Variants in STAB2 observed in about 807,000 individuals in gnomAD.
STAB2 encodes the protein stabilin 2.
STAB2 carries 288 observed loss-of-function variants against 338.1 expected under a neutral mutation model. The ratio of observed to expected loss-of-function variants is 0.85; its 90% CI spans 0.77 to 0.94. The LOEUF is 0.94. Ranked by LOEUF, STAB2 falls within the 40% of genes least tolerant of loss-of-function variation. The probability of loss-of-function intolerance (pLI) is 0.00; values close to 1 mark genes in which losing one functional copy is unlikely to be tolerated. For synonymous variants in STAB2, 1,202 were observed against 1,193.3 expected, an observed-to-expected ratio of 1.01 and a Z score of -0.15; for missense variants, 3,141 against 3,210.1, an observed-to-expected ratio of 0.98 and a Z score of 0.52.
chr12:103,662,715 C>A, intron 17 of STAB2, 131 bp from the exon 18 acceptor site: 1 of 1,025,922 alleles, frequency 9.7e-7, no homozygotes, highest in East Asian at 2.6e-5. Flanking sequence ...AGCAACCTAC[C>A]CTCCAATGAA....
At chr12:103,683,347 A>AG (rs761247947) in intron 26 of STAB2, 47 bp downstream of exon 26, 67 of 1,429,866 alleles carry the variant, frequency 4.7e-5, no homozygotes, top group Non-Finnish European at 5.8e-5. Context: ...AAAAAAAAAA[A>AG]CAATGCTTGA....
rs758247790 is a variant in STAB2, at chr12:103,655,531, G to A, written c.1684G>A (p.Ala562Thr). The A allele has an allele frequency of 1.2e-6, 2 of 1,613,934 alleles. No homozygotes were observed. ...PYTIFVPNNE[A>T]LNNMKDGTLD... Reference sequence around the variant, plus strand: ...CACCATTTTTGTTCCAAATAATGAAGCATTGAATAACATGAAGGACGGCAC... The same window carrying A: ...CACCATTTTTGTTCCAAATAATGAAACATTGAATAACATGAAGGACGGCAC... Residue 562 changes from alanine to threonine, a missense_variant, in exon 15 of 69, where the codon GCA becomes ACA. Transcript: ENST00000388887.
rs570349783 is a variant in STAB2, at chr12:103,740,500, T to G, written c.5755-130T>G. 4.5e-5 allele frequency: 57 copies of G among 1,280,490 alleles called. No individual in the cohort carries two copies. The South Asian group carries it at 8.2e-4, about 19-fold the overall frequency. 79.3% of individuals were successfully genotyped at this position (1,280,490 alleles called of 1,614,324 possible). A position where few individuals can be genotyped will look rare whatever the true frequency, so the allele number is the denominator to read the frequency against. On this transcript the variant is annotated intron_variant, in intron 54 of 68. Transcript: ENST00000388887. ...AAAATATCACCTTGGAAAAAAAAAG[T>G]TGGCTCACACTGGAAGTCCCATTTT... is the stretch of plus-strand genomic sequence containing the variant.
At chr12:103,611,888 A>C (rs1257879518) in intron 3 of STAB2, among the ~76,000 whole-genome samples, 3 of 152,168 alleles carry the variant, frequency 2.0e-5, no homozygotes, top group African/African-American at 7.2e-5. Context: ...CCTGGTGGTG[A>C]CAAAATCTCT....
chr12:103,753,321 G>A lies in STAB2; in HGVS notation c.6682G>A (p.Ala2228Thr). ...CTGTGCCAACGAAGCTGCGACCATG[G>A]CAACCTACAACCAGCTCTCCTATGC... is the stretch of plus-strand genomic sequence containing the variant. ...EACANEAATMATYNQLSYAQK... is the reference protein window; with the variant it reads ...EACANEAATMTTYNQLSYAQK... The change falls in exon 61 of 69, where the codon GCA (alanine) becomes ACA (threonine). Residue 2228 changes from alanine to threonine, a missense_variant. Coordinates refer to ENST00000388887, the MANE Select transcript of STAB2 (RefSeq NM_017564.10). The A allele has an allele frequency of 6.2e-7, 1 of 1,614,222 alleles. No homozygotes were observed. The highest frequency in any genetic ancestry group is 8.5e-7 in the Non-Finnish European group (1 of 1,180,036).
chr12:103,658,788 C>A (rs1874381994), intron 15 of STAB2, among the ~76,000 whole-genome samples: 2 of 152,154 alleles, frequency 1.3e-5, no homozygotes, highest in African/African-American at 4.8e-5. Context: ...ACTGCACTTG[C>A]TGGGGACATG....
Position 103,733,138 on chromosome 12 carries a change from A to T in STAB2, c.5416A>T (p.Lys1806Ter). The change falls in exon 51 of 69, where the codon AAG becomes TAG. Residue 1806 changes from lysine to a stop codon, truncating the protein, a stop_gained. Coordinates refer to ENST00000388887, the MANE Select transcript of STAB2 (RefSeq NM_017564.10). LOFTEE classifies it high-confidence loss of function. ...CCTGTTCAACCAAGACAACAAGGAC[A>T]AGCTGAAGGAGTATTTGAAGTTTCA... ...DFLFNQDNKD[K>*]LKEYLKFHVI... The T allele has an allele frequency of 1.2e-6, 2 of 1,614,162 alleles. No individual in the cohort carries two copies. Among genetic ancestry groups the T allele is most frequent in the Non-Finnish European group, 1.7e-6 (2 of 1,180,012 alleles).
intron 31 of STAB2, among the ~76,000 whole-genome samples, chr12:103,693,270 A>T (rs1276194428): frequency 6.6e-6 from 1 of 151,956 alleles, no homozygotes; most frequent in Non-Finnish European, 1.5e-5. Flanking sequence ...TCTGGGCAAC[A>T]TAATGAGATC....
At chr12:103,643,113 G>A (rs1873044275) in intron 9 of STAB2, among the ~76,000 whole-genome samples, 1 of 152,118 alleles carries the variant, frequency 6.6e-6, no homozygotes, top group Non-Finnish European at 1.5e-5. Context: ...CTGATTCATA[G>A]GTGGTGACTT....
At chr12:103,662,701 T>G in intron 17 of STAB2, 145 bp from the exon 18 acceptor site, 1 of 910,374 alleles carries the variant, frequency 1.1e-6, no homozygotes. Flanking sequence ...CAAACCCTTA[T>G]AATAGCAACC....
intron 60 of STAB2, among the ~76,000 whole-genome samples, chr12:103,751,962 A>G (rs1339169007): frequency 6.6e-6 from 1 of 152,094 alleles, no homozygotes; most frequent in East Asian, 1.9e-4. Flanking sequence ...ACCATCCCAC[A>G]TTCAGGAGGA....
At chr12:103,655,369 G>C in intron 14 of STAB2, 62 bp downstream of exon 14, 1 of 1,602,356 alleles carries the variant, frequency 6.2e-7, no homozygotes, top group Non-Finnish European at 8.5e-7. Context: ...AAATTAGCAG[G>C]GGTGTCAATT....
chr12:103,674,313 G>A lies in STAB2; in HGVS notation c.2552+226G>A, dbSNP rs534644068. On this transcript the variant is annotated intron_variant, in intron 23 of 68. Coordinates refer to ENST00000388887, the MANE Select transcript of STAB2 (RefSeq NM_017564.10). ...TTTGAAACTTACCAGGTGTGTGACT[G>A]TGGGCAAGTTACTTAACCTCTCTGA... Among the ~76,000 whole-genome samples the A allele has an allele frequency of 4.6e-5, 7 of 152,298 alleles. No individual in the cohort carries two copies. In the East Asian group the frequency reaches 1.4e-3, roughly 29 times the overall value.
At chr12:103,686,120 A>C (rs577844476) in intron 27 of STAB2, among the ~76,000 whole-genome samples, 7 of 152,250 alleles carry the variant, frequency 4.6e-5, no homozygotes, top group Non-Finnish European at 7.3e-5. Flanking sequence ...CAATTGACAA[A>C]TTTCCTCATC....
chr12:103,701,091 A>C (rs954714726), intron 34 of STAB2, among the ~76,000 whole-genome samples: 11 of 149,982 alleles, frequency 7.3e-5, no homozygotes, highest in Admixed American at 1.3e-4. Context: ...CCTATGAGTG[A>C]AAATATGCGG....
At position 103,640,248 on chromosome 12, in the gene STAB2, C is replaced by G; in HGVS notation, c.1032C>G (p.Gly344=). The G allele has an allele frequency of 6.2e-7, 1 of 1,612,518 alleles. No homozygotes were observed. Among genetic ancestry groups the G allele is most frequent in the East Asian group, 2.2e-5 (1 of 44,846 alleles). Residue 344 remains glycine (G), a synonymous_variant, in exon 9 of 69, where the codon GGC becomes GGG. Transcript: ENST00000388887. Reference sequence around the variant, plus strand: ...CAAATTGCACCACCGTCGCACCAGGCCGAACTGAGTAAGTCTTTTCAATTC... The same window carrying G: ...CAAATTGCACCACCGTCGCACCAGGGCGAACTGAGTAAGTCTTTTCAATTC... ...RNANCTTVAP[G]RTECICQKGY...
chr12:103,674,540 C>G (rs1032245518), intron 23 of STAB2, among the ~76,000 whole-genome samples: 5 of 152,172 alleles, frequency 3.3e-5, no homozygotes, highest in Admixed American at 6.5e-5. Context: ...TTTGAAGACA[C>G]CTTTACTTTT....
intron 54 of STAB2, 23 bp from the exon 55 acceptor site, chr12:103,740,607 G>C: frequency 6.2e-7 from 1 of 1,608,726 alleles, no homozygotes; most frequent in South Asian, 1.1e-5. Context: ...TAAGTGAAGG[G>C]ATGGTCCACT....
At chr12:103,684,010 A>G (rs1226562937) in intron 26 of STAB2, among the ~76,000 whole-genome samples, 1 of 152,194 alleles carries the variant, frequency 6.6e-6, no homozygotes, top group Admixed American at 6.5e-5. Context: ...ACTTCCCAAG[A>G]GCCCAGAACC....
Sources: gnomAD v4.1 joint callset for allele counts (sites outside exome capture counted in the v4.1 genomes callset) on GRCh38, gnomAD v4.1.1 for gene constraint, MANE v1.5 for transcripts, NCBI Gene and HGNC (gene_info 2026-07-23, HGNC 2026-07-21) for gene names.